WNK1: variants seen among roughly 807,000 people sequenced by gnomAD.
WNK1 encodes the protein serine/threonine-protein kinase WNK1.
WNK1 carries 38 observed loss-of-function variants against 222.8 expected under a neutral mutation model. The ratio of observed to expected loss-of-function variants is 0.17; its 90% CI spans 0.13 to 0.22. The LOEUF (loss-of-function observed/expected upper bound fraction) is 0.22. WNK1 is among the 10% of genes least tolerant of loss of function. WNK1 has a pLI of 1.00. For missense variants in WNK1, 2,348 were observed against 2,918.4 expected (o/e 0.80, Z 4.50); for synonymous variants, 1,090 against 1,092.9 (o/e 1.00, Z 0.05).
intron 19 of WNK1, 72 bp downstream of exon 19, chr12:886,156 A>T: frequency 3.0e-6 from 4 of 1,313,094 alleles, no homozygotes; most frequent in Non-Finnish European, 4.2e-6. Context: ...TACATTTTTC[A>T]CTTCAGCCTT....
intron 1 of WNK1, among the ~76,000 whole-genome samples, chr12:809,508 A>G (rs1168956042): frequency 6.6e-6 from 1 of 152,316 alleles, no homozygotes; most frequent in South Asian, 2.1e-4. Flanking sequence ...ATTTGGCCAC[A>G]TAAAATGCAG....
At chr12:824,034 G>A (rs539024553) in intron 2 of WNK1, among the ~76,000 whole-genome samples, 4 of 151,212 alleles carry the variant, frequency 2.6e-5, no homozygotes, top group East Asian at 1.9e-4. Flanking sequence ...AGCCTCCCGA[G>A]TAGCTGGGGC....
intron 1 of WNK1, among the ~76,000 whole-genome samples, chr12:766,081 AG>A (rs1287864954): frequency 1.3e-5 from 2 of 152,134 alleles, no homozygotes; most frequent in African/African-American, 4.8e-5. Flanking sequence ...TTTAGAAAGT[AG>A]AGACAATAAG....
At position 880,927 on chromosome 12, in the gene WNK1, G is replaced by C; in HGVS notation, c.3039G>C (p.Gln1013His). ...LLVPMGGVGG[Q>H]VQVSQPGGSL... Reference sequence around the variant, plus strand: ...TTCCTATGGGTGGTGTAGGAGGACAGGTTCAAGTGTCCCAGCCAGGAGGGA... The same window carrying C: ...TTCCTATGGGTGGTGTAGGAGGACACGTTCAAGTGTCCCAGCCAGGAGGGA... The change falls in exon 12 of 28, where the codon CAG becomes CAC. Residue 1013 changes from glutamine to histidine, a missense_variant. By Grantham distance (24) the Gln-to-His change is conservative. This residue lies in a region of WNK1 where 547 missense variants were observed against 558.3 expected (regional missense o/e 0.98). Coordinates refer to ENST00000315939, the MANE Select transcript of WNK1 (RefSeq NM_018979.4). 1 of 1,614,184 alleles carries C rather than the reference G, an allele frequency of 6.2e-7. No homozygotes were observed. The highest frequency in any genetic ancestry group is 8.5e-7 in the Non-Finnish European group (1 of 1,180,040).
intron 1 of WNK1, among the ~76,000 whole-genome samples, chr12:792,724 C>G (rs1175943048): frequency 6.6e-6 from 1 of 152,166 alleles, no homozygotes; most frequent in Non-Finnish European, 1.5e-5. Flanking sequence ...GAAGTTCTTT[C>G]TTGACCCTAA....
chr12:852,511 G>T (rs1025435193), intron 4 of WNK1, among the ~76,000 whole-genome samples: 1 of 152,176 alleles, frequency 6.6e-6, no homozygotes, highest in African/African-American at 2.4e-5. Flanking sequence ...AATATCTGTA[G>T]AGCCAGTGAG....
chr12:861,979 AG>A, intron 7 of WNK1, 103 bp from the exon 8 acceptor site: 2 of 1,243,464 alleles, frequency 1.6e-6, no homozygotes, highest in Non-Finnish European at 2.3e-6. Context: ...AGGAATAACT[AG>A]TTACCCCTAA....
In WNK1 at chr12:879,694, C is replaced by G; in HGVS notation, c.2495C>G (p.Pro832Arg). The G allele has an allele frequency of 6.2e-7, 1 of 1,613,962 alleles. No homozygotes were observed. Reference sequence around the variant, plus strand: ...TTCCTTCCAGTGGGACAGCCGCTCCCTACTCCCTTGCTCCCTCAGTACCCT... The same window carrying G: ...TTCCTTCCAGTGGGACAGCCGCTCCGTACTCCCTTGCTCCCTCAGTACCCT... The part of the protein sequence containing the change: ...AHFLPVGQPL[P>R]TPLLPQYPVS... The change falls in exon 11 of 28, where the codon CCT becomes CGT. Residue 832 changes from proline (P) to arginine (R), a missense_variant. Around this residue, in one of 13 missense-constraint regions of WNK1, gnomAD observed 547 missense variants for 558.3 expected, o/e 0.98. Coordinates refer to ENST00000315939, the MANE Select transcript of WNK1 (RefSeq NM_018979.4).
At chr12:862,853 T>C (rs72648697) in intron 8 of WNK1, among the ~76,000 whole-genome samples, 104 of 152,364 alleles carry the variant, frequency 6.8e-4, no homozygotes, top group Admixed American at 1.5e-3. Flanking sequence ...TTTTGCTTTT[T>C]CCCTTTAGTT....
intron 1 of WNK1, among the ~76,000 whole-genome samples, chr12:785,661 T>C (rs1351396928): frequency 3.9e-5 from 6 of 152,202 alleles, no homozygotes; most frequent in Admixed American, 2.0e-4. Flanking sequence ...CCTCCCAAAG[T>C]GCTGGGATTA....
chr12:798,123 A>G (rs1380220708), intron 1 of WNK1, among the ~76,000 whole-genome samples: 3 of 151,474 alleles, frequency 2.0e-5, no homozygotes, highest in African/African-American at 4.8e-5. Flanking sequence ...TCCTTTTTAT[A>G]CTTCCTTGTT....
intron 2 of WNK1, among the ~76,000 whole-genome samples, chr12:819,708 A>C (rs190180234): frequency 6.6e-6 from 1 of 152,116 alleles, no homozygotes; most frequent in African/African-American, 2.4e-5. Flanking sequence ...TAACTTTTCT[A>C]TTTAGGTTAT....
chr12:850,284 AT>A (rs1341783547), intron 4 of WNK1, among the ~76,000 whole-genome samples: 1 of 151,942 alleles, frequency 6.6e-6, no homozygotes, highest in Non-Finnish European at 1.5e-5. Flanking sequence ...ATGGTATCTC[AT>A]TGTGGTTTTG....
At chr12:879,071 G>A (rs1213947208) in intron 10 of WNK1, among the ~76,000 whole-genome samples, 1 of 152,108 alleles carries the variant, frequency 6.6e-6, no homozygotes, top group East Asian at 1.9e-4. Flanking sequence ...AGTGAAATAT[G>A]TGAATTATAC....
intron 1 of WNK1, among the ~76,000 whole-genome samples, chr12:777,694 T>C (rs1943267944): frequency 6.6e-6 from 1 of 152,214 alleles, no homozygotes; most frequent in South Asian, 2.1e-4. Flanking sequence ...CCTGGTATTT[T>C]TCATGAAATG....
chr12:794,459 C>G (rs1945121325), intron 1 of WNK1, among the ~76,000 whole-genome samples: 2 of 151,604 alleles, frequency 1.3e-5, no homozygotes, highest in South Asian at 4.2e-4. Flanking sequence ...TTCCTAGATG[C>G]CCTTTATCCA....
intron 1 of WNK1, among the ~76,000 whole-genome samples, chr12:800,286 T>C (rs984295935): frequency 6.6e-6 from 1 of 152,194 alleles, no homozygotes; most frequent in African/African-American, 2.4e-5. Context: ...ATCCTACTTT[T>C]GCTTTTCCTT....
intron 4 of WNK1, 127 bp downstream of exon 4, chr12:830,287 G>A (rs1049577221): frequency 1.0e-5 from 11 of 1,090,146 alleles, no homozygotes; most frequent in Admixed American, 2.0e-5. Flanking sequence ...GTTGGGGTTG[G>A]GGGGGTGGTG....
chr12:888,902 T>G (rs1206413658), intron 20 of WNK1, among the ~76,000 whole-genome samples: 1 of 152,196 alleles, frequency 6.6e-6, no homozygotes, highest in South Asian at 2.1e-4. Flanking sequence ...AGACTTCTCT[T>G]AAACTGCAAA....
Sources: allele counts gnomAD v4.1 joint callset (sites outside exome capture counted in the v4.1 genomes callset), GRCh38; gene constraint gnomAD v4.1.1; regional missense constraint gnomAD v4.1.1; transcripts MANE v1.5; gene names NCBI Gene and HGNC (gene_info 2026-07-23, HGNC 2026-07-21).